WDR27: variants seen among roughly 807,000 people sequenced by gnomAD.
WDR27 encodes the protein WD repeat-containing protein 27.
Under a neutral mutation model 114.4 loss-of-function variants are expected in WDR27, and 100 were observed. That is an observed-to-expected ratio of 0.87 (90% CI 0.74 to 1.03). The LOEUF (loss-of-function observed/expected upper bound fraction) is 1.03, where lower values mean the gene tolerates loss of function less well. Among genes scored for constraint, WDR27 ranks in the 50% least tolerant of loss-of-function variants. WDR27 has a pLI of 0.00. For synonymous variants in WDR27, 449 were observed against 423.1 expected, an observed-to-expected ratio of 1.06 and a Z score of -0.75; for missense variants, 1,129 against 1,092.9, an observed-to-expected ratio of 1.03 and a Z score of -0.47.
chr6:169,486,759 G>A (rs1788977446), intron 25 of WDR27, among the ~76,000 whole-genome samples: 1 of 152,116 alleles, frequency 6.6e-6, no homozygotes, highest in Non-Finnish European at 1.5e-5. Context: ...CAAAGTGCTG[G>A]GATTACAGGC....
At position 169,684,839 on chromosome 6, in the gene WDR27, T is replaced by A. The variant is rs1782496896; in HGVS notation, c.189+3978A>T. ...CCCAGGAGCTGCCCCAGCAGATATG[T>A]CCCCACGCTGGCCAAGCAACCATGT... On this transcript the variant is annotated intron_variant, in intron 2 of 25. Coordinates refer to ENST00000448612, the MANE Select transcript of WDR27 (RefSeq NM_182552.5). The surrounding 1 kb of genome is among the most constrained non-coding windows in gnomAD (Gnocchi z 4.3). Among the ~76,000 whole-genome samples, 1 of 152,242 alleles carries A rather than the reference T, an allele frequency of 6.6e-6. No individual in the cohort carries two copies. The highest frequency in any genetic ancestry group is 3.4e-3 in the Middle Eastern group (1 of 294).
chr6:169,655,221 G>A (rs867974078), intron 13 of WDR27, among the ~76,000 whole-genome samples: 1 of 152,226 alleles, frequency 6.6e-6, no homozygotes, highest in African/African-American at 2.4e-5. Context: ...CAAGAGCTCC[G>A]GGCAGGAGAG....
At chr6:169,431,872 C>T in the WDR27 span, among the ~76,000 whole-genome samples, 6 of 152,112 alleles carry the variant, frequency 3.9e-5, no homozygotes, top group African/African-American at 1.2e-4. Context: ...CTAAATAGAA[C>T]ACATTTCTCA....
At chr6:169,491,178 C>T (rs1789703903) in intron 25 of WDR27, among the ~76,000 whole-genome samples, 1 of 152,092 alleles carries the variant, frequency 6.6e-6, no homozygotes, top group Admixed American at 6.5e-5. Context: ...GAGATCAGCT[C>T]CAGCCATTAT....
intron 13 of WDR27, among the ~76,000 whole-genome samples, chr6:169,652,223 G>C (rs559754142): frequency 6.6e-6 from 1 of 152,330 alleles, no homozygotes; most frequent in Admixed American, 6.5e-5. Context: ...AATAGCCCAA[G>C]TTGGTTGTTT....
intron 16 of WDR27, among the ~76,000 whole-genome samples, chr6:169,646,242 G>C (rs1820719761): frequency 6.6e-6 from 1 of 152,184 alleles, no homozygotes; most frequent in Admixed American, 6.5e-5. Flanking sequence ...TAACAGAAGA[G>C]GAACAGCAGG....
At chr6:169,685,531 ATAGAGT>A (rs1724207326) in intron 2 of WDR27, among the ~76,000 whole-genome samples, 3 of 152,318 alleles carry the variant, frequency 2.0e-5, no homozygotes, top group South Asian at 2.1e-4. Flanking sequence ...AAGAGAAATC[ATAGAGT>A]TAAAGAATTC....
chr6:169,625,875 G>C (rs1327053919), intron 21 of WDR27, among the ~76,000 whole-genome samples: 1 of 152,180 alleles, frequency 6.6e-6, no homozygotes, highest in African/African-American at 2.4e-5. Context: ...ATGGGAGCTG[G>C]CCCTGATGCC....
chr6:169,536,511 C>T (rs1300195727), intron 25 of WDR27, among the ~76,000 whole-genome samples: 5 of 152,216 alleles, frequency 3.3e-5, no homozygotes. Context: ...TGAAACTGGT[C>T]TTATTCTGAC....
At chr6:169,661,729 A>C (rs1826168811) in intron 9 of WDR27, among the ~76,000 whole-genome samples, 2 of 152,182 alleles carry the variant, frequency 1.3e-5, no homozygotes, top group Non-Finnish European at 2.9e-5. Context: ...CAAGCAGGGA[A>C]TATTCTGCTC....
Position 169,520,545 on chromosome 6 carries a change from A to G in WDR27, c.2645+51874T>C, listed in dbSNP as rs150824226. On this transcript the variant is annotated intron_variant, in intron 25 of 25. Coordinates refer to ENST00000448612, the MANE Select transcript of WDR27 (RefSeq NM_182552.5). ...GGAACCATGACTACCTCAAACATACAAAGCTGGGAACCAGTGACTGACTCT... is the reference window on the plus strand; with the variant it reads ...GGAACCATGACTACCTCAAACATACGAAGCTGGGAACCAGTGACTGACTCT... Among the ~76,000 whole-genome samples, 431 of 152,284 alleles carry G rather than the reference A, an allele frequency of 2.8e-3. 3 individuals carry two copies. The highest frequency in any genetic ancestry group is 9.7e-3 in the African/African-American group (405 of 41,560).
chr6:169,627,274 A>G (rs1188617605), intron 21 of WDR27, among the ~76,000 whole-genome samples: 1 of 152,242 alleles, frequency 6.6e-6, no homozygotes, highest in African/African-American at 2.4e-5. Context: ...ATCTTTTTAA[A>G]AACAAATCTT....
At chr6:169,652,404 A>G (rs1319629786) in intron 13 of WDR27, among the ~76,000 whole-genome samples, 1 of 152,142 alleles carries the variant, frequency 6.6e-6, no homozygotes, top group Non-Finnish European at 1.5e-5. Context: ...ACACGCCACC[A>G]CGCCTGGCTA....
At chr6:169,605,550 G>A (rs1408255677) in intron 22 of WDR27, among the ~76,000 whole-genome samples, 1 of 151,054 alleles carries the variant, frequency 6.6e-6, no homozygotes, top group Non-Finnish European at 1.5e-5. Context: ...GCAATCCATA[G>A]GTACAATGCA....
chr6:169,558,361 T>C (rs1002079087), intron 25 of WDR27: 1 of 152,152 alleles, frequency 6.6e-6, no homozygotes, highest in African/African-American at 2.4e-5. Context: ...TAATATGTAA[T>C]AATTCATGCT....
intron 17 of WDR27, among the ~76,000 whole-genome samples, chr6:169,640,998 T>A (rs1424383396): frequency 6.6e-6 from 1 of 152,172 alleles, no homozygotes; most frequent in East Asian, 1.9e-4. Context: ...AATGTGTTTT[T>A]CTCGTCCTTC....
the WDR27 span, among the ~76,000 whole-genome samples, chr6:169,429,065 T>C: frequency 6.6e-6 from 1 of 152,124 alleles, no homozygotes; most frequent in Admixed American, 6.5e-5. Flanking sequence ...TGATGGATCT[T>C]GCCCTCAGCA....
the WDR27 span, among the ~76,000 whole-genome samples, chr6:169,450,837 A>C: frequency 6.6e-6 from 1 of 151,360 alleles, no homozygotes; most frequent in African/African-American, 2.4e-5. Flanking sequence ...GGAAAATTCT[A>C]CTGCATGGAA....
the WDR27 span, among the ~76,000 whole-genome samples, chr6:169,435,069 G>T: frequency 6.6e-6 from 1 of 152,216 alleles, no homozygotes; most frequent in Non-Finnish European, 1.5e-5. Context: ...GGCTAAAAGG[G>T]TCCAAGGCAT....
Sources: allele counts gnomAD v4.1 joint callset (sites outside exome capture counted in the v4.1 genomes callset), GRCh38; gene constraint gnomAD v4.1.1; non-coding constraint Gnocchi (gnomAD v3.1); transcripts MANE v1.5; gene names NCBI Gene and HGNC (gene_info 2026-07-23, HGNC 2026-07-21).